Variants in ZNF503 observed in about 807,000 individuals in gnomAD.
ZNF503 encodes NocA-like zinc finger 2.
A neutral mutation model predicts 34.4 loss-of-function variants in ZNF503; 15 were observed. That is an observed-to-expected ratio of 0.44 (90% CI 0.29 to 0.67). ZNF503 has a LOEUF of 0.67. Ranked by LOEUF, ZNF503 falls within the 30% of genes least tolerant of loss-of-function variation. ZNF503 has a pLI of 0.13. For missense variants in ZNF503, 1,007 were observed against 926.8 expected (o/e 1.09, Z -1.12); for synonymous variants, 580 against 456.8 (o/e 1.27, Z -3.44).
the ZNF503 span, among the ~76,000 whole-genome samples, chr10:75,366,152 C>A: frequency 6.6e-6 from 1 of 152,176 alleles, no homozygotes; most frequent in East Asian, 1.9e-4. Flanking sequence ...CAGAGAACAT[C>A]GTGCTTAGGA....
the ZNF503 span, among the ~76,000 whole-genome samples, chr10:75,297,119 T>TCTGTTCTGAA: frequency 6.6e-6 from 1 of 152,124 alleles, no homozygotes; most frequent in African/African-American, 2.4e-5. Context: ...CAGTGTGATT[T>TCTGTTCTGAA]TATCTGTGTT....
rs1286497193 is a variant in ZNF503, at chr10:75,398,799, C to T, written c.1891G>A (p.Ala631Thr). The change falls in exon 2 of 2, where the codon GCC (alanine) becomes ACC (threonine). Residue 631 changes from alanine to threonine, a missense_variant. Ala to Thr is a moderately conservative substitution (Grantham distance 58). Coordinates refer to ENST00000372524, the MANE Select transcript of ZNF503 (RefSeq NM_032772.6). ...AATGPYYSPY[A>T]LYGQRLTTAS... is the part of the protein sequence containing the mutation. Reference sequence around the variant, plus strand: ...GTGGTCAGTCTCTGTCCGTAGAGGGCGTAGGGGGAGTAGTACGGTCCGGTG... The same window carrying T: ...GTGGTCAGTCTCTGTCCGTAGAGGGTGTAGGGGGAGTAGTACGGTCCGGTG... 1.4e-6 allele frequency: 2 copies of T among 1,479,998 alleles called. No homozygotes were observed. The highest frequency in any genetic ancestry group is 2.5e-5 in the Admixed American group (1 of 40,034). 91.7% of individuals were successfully genotyped at this position (1,479,998 alleles called of 1,614,324 possible).
chr10:75,376,645 AAAAAAC>A, the ZNF503 span, among the ~76,000 whole-genome samples: 3 of 152,096 alleles, frequency 2.0e-5, no homozygotes, highest in Admixed American at 2.0e-4. Context: ...CTGTCTCAAA[AAAAAAC>A]AAAAACAAAA....
At chr10:75,329,120 T>C in the ZNF503 span, among the ~76,000 whole-genome samples, 4 of 152,132 alleles carry the variant, frequency 2.6e-5, no homozygotes, top group African/African-American at 9.7e-5. Context: ...TAGAGATCTT[T>C]TACCTCCTTG....
At chr10:75,345,658 GAAAAGA>G in the ZNF503 span, among the ~76,000 whole-genome samples, 4 of 143,356 alleles carry the variant, frequency 2.8e-5, no homozygotes, top group Non-Finnish European at 6.1e-5. Context: ...AAAAAGAAAA[GAAAAGA>G]AAAAGAAAAA....
chr10:75,372,475 A>G, the ZNF503 span, among the ~76,000 whole-genome samples: 2 of 152,226 alleles, frequency 1.3e-5, no homozygotes, highest in Non-Finnish European at 2.9e-5. Context: ...CCACAGCATC[A>G]AAACAGTTCA....
chr10:75,281,378 C>T, the ZNF503 span, among the ~76,000 whole-genome samples: 1 of 152,068 alleles, frequency 6.6e-6, no homozygotes, highest in Non-Finnish European at 1.5e-5. Flanking sequence ...CCAGAAATGG[C>T]CTTTGTAATC....
At chr10:75,365,038 TG>T in the ZNF503 span, among the ~76,000 whole-genome samples, 1 of 152,226 alleles carries the variant, frequency 6.6e-6, no homozygotes, top group Admixed American at 6.5e-5. Flanking sequence ...AGAGTCCTTG[TG>T]TCCTAACCTG....
chr10:75,376,183 A>G, the ZNF503 span, among the ~76,000 whole-genome samples: 23 of 152,292 alleles, frequency 1.5e-4, no homozygotes, highest in South Asian at 1.0e-3. Context: ...TGGAAGTCCC[A>G]CTGCTGACAT....
the ZNF503 span, among the ~76,000 whole-genome samples, chr10:75,368,171 A>G: frequency 2.6e-5 from 4 of 152,192 alleles, no homozygotes; most frequent in African/African-American, 9.7e-5. Context: ...TGTGGTCTCC[A>G]TGGTGCCCTT....
At position 75,401,594 on chromosome 10, in the gene ZNF503, T is replaced by C; in HGVS notation, c.-175A>G. 2.7e-6 allele frequency: 2 copies of C among 737,684 alleles called. No individual in the cohort carries two copies. The highest frequency in any genetic ancestry group is 4.4e-6 in the Non-Finnish European group (2 of 459,184). The allele number at this position is 737,684 out of a possible 1,614,324, so 45.7% of individuals were successfully genotyped here. A position where few individuals can be genotyped will look rare whatever the true frequency, so the allele number is the denominator to read the frequency against. On this transcript the variant is annotated 5_prime_UTR_variant, in exon 1 of 2. Coordinates refer to ENST00000372524, the MANE Select transcript of ZNF503 (RefSeq NM_032772.6). ...GCCTGGAGCCAGACGCGAGTAATCC[T>C]GGGTGGCCCGCAGCGGAGCCGTGGC...
the ZNF503 span, among the ~76,000 whole-genome samples, chr10:75,336,356 GT>G: frequency 7.2e-6 from 1 of 139,052 alleles, no homozygotes; most frequent in East Asian, 2.0e-4. Flanking sequence ...ATACTTCCTT[GT>G]TAGACCTATA....
At chr10:75,320,713 C>A in the ZNF503 span, among the ~76,000 whole-genome samples, 1 of 151,910 alleles carries the variant, frequency 6.6e-6, no homozygotes, top group Non-Finnish European at 1.5e-5. Context: ...TAATTATATA[C>A]CACAATCACA....
chr10:75,355,343 A>G, the ZNF503 span, among the ~76,000 whole-genome samples: 1 of 152,356 alleles, frequency 6.6e-6, no homozygotes, highest in Non-Finnish European at 1.5e-5. Context: ...TGGAATGGGT[A>G]ATCGAAAGAC....
At chr10:75,330,765 T>C in the ZNF503 span, among the ~76,000 whole-genome samples, 2 of 152,120 alleles carry the variant, frequency 1.3e-5, no homozygotes, top group Non-Finnish European at 2.9e-5. Flanking sequence ...AGCTAATGGT[T>C]TGTACATTCA....
chr10:75,287,369 A>G, the ZNF503 span, among the ~76,000 whole-genome samples: 10 of 151,960 alleles, frequency 6.6e-5, no homozygotes, highest in African/African-American at 2.2e-4. Flanking sequence ...CCCATCTTCC[A>G]GTTGCTGCTG....
chr10:75,357,806 G>A, the ZNF503 span, among the ~76,000 whole-genome samples: 1 of 152,148 alleles, frequency 6.6e-6, no homozygotes. Context: ...TAGCAGGCCT[G>A]GTAGCTTAAA....
the ZNF503 span, among the ~76,000 whole-genome samples, chr10:75,376,265 A>T: frequency 2.0e-5 from 3 of 152,120 alleles, no homozygotes; most frequent in South Asian, 6.2e-4. Context: ...TGGGAGCCCA[A>T]TGTTTCCCAC....
At chr10:75,320,576 G>C in the ZNF503 span, among the ~76,000 whole-genome samples, 1 of 152,286 alleles carries the variant, frequency 6.6e-6, no homozygotes, top group East Asian at 1.9e-4. Context: ...CTAGCACTTT[G>C]GGAGGCCAAG....
Sources: allele counts gnomAD v4.1 joint callset (sites outside exome capture counted in the v4.1 genomes callset), GRCh38; gene constraint gnomAD v4.1.1; transcripts MANE v1.5; gene names NCBI Gene and HGNC (gene_info 2026-07-23, HGNC 2026-07-21).